Variants in CFHR5 observed in about 807,000 individuals in gnomAD.
CFHR5 encodes the protein complement factor H-related protein 5.
Under a neutral mutation model 62.9 loss-of-function variants are expected in CFHR5, and 73 were observed. That is an observed-to-expected ratio of 1.16 (90% confidence interval 0.96 to 1.41). CFHR5 has a LOEUF of 1.41. Ranked by LOEUF, CFHR5 falls within the 40% of genes most tolerant of loss-of-function variation. The pLI is 0.00. For synonymous variants in CFHR5, 249 were observed against 227.2 expected (o/e 1.10, Z -0.86); for missense variants, 779 against 679.9 (o/e 1.15, Z -1.62).
chr1:196,977,158 T>C (rs1653416194), upstream of CFHR5, among the ~76,000 whole-genome samples: 1 of 152,030 alleles, frequency 6.6e-6, no homozygotes. Flanking sequence ...ATATTAAAAC[T>C]GTTAAGAAGG....
chr1:196,988,074 A>T (rs1653744140), intron 3 of CFHR5, among the ~76,000 whole-genome samples: 1 of 152,100 alleles, frequency 6.6e-6, no homozygotes, highest in Non-Finnish European at 1.5e-5. Flanking sequence ...CTCCTTGAAG[A>T]GATTCTTCAC....
chr1:197,007,678 A>G (rs915126131), intron 9 of CFHR5, among the ~76,000 whole-genome samples: 2 of 147,982 alleles, frequency 1.4e-5, no homozygotes, highest in African/African-American at 4.9e-5. Flanking sequence ...ATATCTAAAT[A>G]TACATAAGTA....
At chr1:196,975,098 T>C (rs1365017673), upstream of CFHR5, among the ~76,000 whole-genome samples, 1 of 152,156 alleles carries the variant, frequency 6.6e-6, no homozygotes. Flanking sequence ...TGGTGTTCCA[T>C]AGACCATGTG....
chr1:196,982,155 G>A (rs1653558510), intron 1 of CFHR5, among the ~76,000 whole-genome samples: 2 of 151,890 alleles, frequency 1.3e-5, no homozygotes, highest in Non-Finnish European at 2.9e-5. Flanking sequence ...TTTTCTGGTG[G>A]AAATACCTAT....
intron 3 of CFHR5, among the ~76,000 whole-genome samples, chr1:196,992,218 G>A (rs1223080697): frequency 6.6e-6 from 1 of 152,128 alleles, no homozygotes; most frequent in Non-Finnish European, 1.5e-5. Flanking sequence ...ACAGTCTCCT[G>A]GTGTGTCCTG....
At chr1:196,991,002 C>G (rs544626450) in intron 3 of CFHR5, among the ~76,000 whole-genome samples, 1 of 152,126 alleles carries the variant, frequency 6.6e-6, no homozygotes, top group South Asian at 2.1e-4. Context: ...TCAGGTACAG[C>G]AATCAAACGT....
rs145066322 is a variant in CFHR5, at chr1:196,991,589, T to G, written c.431-2491T>G. Reference sequence around the variant, plus strand: ...TTTTGTGGATGTTGATGCTATTTCTTTCGTTTTTTAGTTTTCCTTCTAACA... The same window carrying G: ...TTTTGTGGATGTTGATGCTATTTCTGTCGTTTTTTAGTTTTCCTTCTAACA... On this transcript the variant is annotated intron_variant, in intron 3 of 9. Coordinates refer to ENST00000256785, the MANE Select transcript of CFHR5 (RefSeq NM_030787.4). Among the ~76,000 whole-genome samples, 33 of 152,292 alleles carry G rather than the reference T, an allele frequency of 2.2e-4. No individual in the cohort carries two copies. In the East Asian group the frequency reaches 4.4e-3, roughly 20 times the overall value.
chr1:196,992,986 A>T (rs1329881394), intron 3 of CFHR5, among the ~76,000 whole-genome samples: 1 of 152,122 alleles, frequency 6.6e-6, no homozygotes, highest in African/African-American at 2.4e-5. Context: ...AATGTCAATT[A>T]TTTATTTTAC....
intron 9 of CFHR5, among the ~76,000 whole-genome samples, chr1:197,008,037 G>C (rs915153395): frequency 6.8e-6 from 1 of 147,826 alleles, no homozygotes; most frequent in African/African-American, 2.5e-5. Flanking sequence ...TTTTAAGAAA[G>C]AGTGAGTGAT....
chr1:196,976,641 T>G (rs1218595568), upstream of CFHR5, among the ~76,000 whole-genome samples: 1 of 152,124 alleles, frequency 6.6e-6, no homozygotes, highest in East Asian at 1.9e-4. Flanking sequence ...ATGGTTACTT[T>G]TAAATTTTTA....
chr1:196,977,768 A>G (rs773116246), intron 1 of CFHR5, 46 bp downstream of exon 1: 15 of 1,410,158 alleles, frequency 1.1e-5, no homozygotes, highest in Admixed American at 6.7e-5. Flanking sequence ...TTTCAAATGT[A>G]TTTATTGATT....
upstream of CFHR5, chr1:196,977,442 G>T (rs1653425419): frequency 5.3e-6 from 3 of 569,828 alleles, no homozygotes; most frequent in Admixed American, 2.9e-5. Context: ...ATTACATAAC[G>T]AGCTGAGAAT....
intron 4 of CFHR5, 35 bp from the exon 5 acceptor site, chr1:196,995,682 C>T (rs188608332): frequency 9.6e-6 from 15 of 1,562,242 alleles, no homozygotes; most frequent in Non-Finnish European, 1.3e-5. Context: ...ACTTATAAGA[C>T]CATTTAAGCA....
At chr1:196,991,771 G>A (rs1169019788) in intron 3 of CFHR5, among the ~76,000 whole-genome samples, 2 of 152,082 alleles carry the variant, frequency 1.3e-5, no homozygotes, top group East Asian at 1.9e-4. Context: ...CATCCCAGCG[G>A]GGCACCCACC....
intron 9 of CFHR5, among the ~76,000 whole-genome samples, chr1:197,006,930 G>C (rs1487043920): frequency 6.7e-6 from 1 of 149,728 alleles, no homozygotes; most frequent in African/African-American, 2.5e-5. Context: ...TCCGCCTCCT[G>C]GGTTCAAGCG....
chr1:197,008,518 CA>C lies in CFHR5; in HGVS notation c.1550del (p.Asn517IlefsTer5). ...PCVVSEENMN[K>X]NNIQLKWRND... The stretch of plus-strand genomic sequence containing the variant: ...GTGTGGTATCTGAAGAAAACATGAA[CA>C]AAAATAACATACAGTTAAAATGGAG... On this transcript the variant is annotated frameshift_variant, in exon 10 of 10. Coordinates refer to ENST00000256785, the MANE Select transcript of CFHR5 (RefSeq NM_030787.4). LOFTEE classifies it low-confidence loss of function (END_TRUNC). The C allele has an allele frequency of 6.2e-7, 1 of 1,609,826 alleles. No homozygotes were observed. The highest frequency in any genetic ancestry group is 1.3e-5 in the African/African-American group (1 of 74,808).
intron 1 of CFHR5, among the ~76,000 whole-genome samples, chr1:196,980,859 G>A (rs186942145): frequency 2.0e-5 from 3 of 152,138 alleles, no homozygotes; most frequent in Admixed American, 2.0e-4. Context: ...TCTGGATAGC[G>A]AAGAATATGT....
upstream of CFHR5, among the ~76,000 whole-genome samples, chr1:196,977,009 G>A (rs1043608526): frequency 2.6e-5 from 4 of 151,648 alleles, no homozygotes; most frequent in African/African-American, 9.7e-5. Flanking sequence ...GGGTTTCACC[G>A]TGTTAGCCAG....
chr1:196,982,991 T>G lies in CFHR5; in HGVS notation c.165T>G (p.Cys55Trp). Residue 55 changes from cysteine (C) to tryptophan (W), a missense_variant, in exon 2 of 10, where the codon TGT becomes TGG. Transcript: ENST00000256785. Reference sequence around the variant, plus strand: ...CAGGGGAAGTTTTCTATTACTCCTGTGAATATAATTTTGTGTCTCCTTCAA... The same window carrying G: ...CAGGGGAAGTTTTCTATTACTCCTGGGAATATAATTTTGTGTCTCCTTCAA... ...VPTGEVFYYS[C>W]EYNFVSPSKS... 1 of 1,614,128 alleles carries G rather than the reference T, an allele frequency of 6.2e-7. No individual in the cohort carries two copies. Among genetic ancestry groups the G allele is most frequent in the Non-Finnish European group, 8.5e-7 (1 of 1,180,022 alleles).
Sources: allele counts gnomAD v4.1 joint callset (sites outside exome capture counted in the v4.1 genomes callset), GRCh38; gene constraint gnomAD v4.1.1; transcripts MANE v1.5; gene names NCBI Gene and HGNC (gene_info 2026-07-23, HGNC 2026-07-21).